The following WDR43 variants were observed in gnomAD, a reference collection of about 807,000 sequenced individuals.
The protein encoded by WDR43 is WD repeat-containing protein 43.
A neutral mutation model predicts 91.4 loss-of-function variants in WDR43; 13 were observed. The observed-to-expected ratio is 0.14, with a 90% CI of 0.09 to 0.23. The LOEUF (loss-of-function observed/expected upper bound fraction) is 0.23, where lower values mean the gene tolerates loss of function less well. Ranked by LOEUF, WDR43 falls within the 10% of genes least tolerant of loss-of-function variation. WDR43 has a pLI of 1.00. For missense variants in WDR43, 780 were observed against 809.4 expected, an observed-to-expected ratio of 0.96 and a Z score of 0.44; for synonymous variants, 331 against 287.9, an observed-to-expected ratio of 1.15 and a Z score of -1.51.
intron 6 of WDR43, among the ~76,000 whole-genome samples, chr2:28,921,999 T>A (rs891567516): frequency 2.0e-5 from 3 of 152,234 alleles, no homozygotes; most frequent in African/African-American, 4.8e-5. Context: ...CCTGAGCCAC[T>A]GTGTCTGGCC....
intron 5 of WDR43, 85 bp from the exon 6 acceptor site, chr2:28,917,808 A>T: frequency 8.6e-7 from 1 of 1,164,962 alleles, no homozygotes; most frequent in Non-Finnish European, 1.2e-6. Context: ...TCATGTGCTG[A>T]TCTCCATGCC....
At position 28,946,481 on chromosome 2, in the gene WDR43, A is replaced by G; in HGVS notation, c.1836A>G (p.Ile612Met). The G allele has an allele frequency of 6.2e-7, 1 of 1,612,232 alleles. No individual in the cohort carries two copies. The highest frequency in any genetic ancestry group is 8.5e-7 in the Non-Finnish European group (1 of 1,179,176). ...ESSEEESDDE[I>M]ADKDSEDNWD... ...CTGAAGAGGAGTCTGATGATGAAAT[A>G]GCAGATAAGGATTCTGAAGTGAGTG... is the stretch of plus-strand genomic sequence containing the variant. The change falls in exon 17 of 18, where the codon ATA (isoleucine) becomes ATG (methionine). Residue 612 changes from isoleucine to methionine, a missense_variant. Ile to Met is a conservative substitution (Grantham distance 10). Around this residue, in one of 4 missense-constraint regions of WDR43, gnomAD observed 426 missense variants for 467.8 expected, o/e 0.91. Coordinates refer to ENST00000407426, the MANE Select transcript of WDR43 (RefSeq NM_015131.3).
intron 4 of WDR43, 48 bp downstream of exon 4, chr2:28,912,758 CAG>C (rs1440067636): frequency 1.8e-5 from 28 of 1,595,882 alleles, no homozygotes; most frequent in East Asian, 4.5e-5. Context: ...AGAGTAAACA[CAG>C]AGAAAGGCAG....
chr2:28,901,132 A>G (rs533552400), intron 1 of WDR43, among the ~76,000 whole-genome samples: 53 of 152,344 alleles, frequency 3.5e-4, no homozygotes, highest in Middle Eastern at 3.4e-3. Flanking sequence ...TTTTACAGTG[A>G]AAGAATGGAT....
chr2:28,927,037 G>A (rs561115329), intron 9 of WDR43: 3 of 518,110 alleles, frequency 5.8e-6, no homozygotes, highest in East Asian at 5.5e-5. Context: ...GACGTGTTTC[G>A]TGGTTTAGTG....
chr2:28,907,101 A>T (rs998851656), intron 3 of WDR43, among the ~76,000 whole-genome samples: 2 of 152,220 alleles, frequency 1.3e-5, no homozygotes, highest in Non-Finnish European at 2.9e-5. Flanking sequence ...TGTCATAGAT[A>T]AAGATTATAG....
intron 1 of WDR43, among the ~76,000 whole-genome samples, chr2:28,899,610 G>GT (rs771181260): frequency 3.0e-4 from 45 of 152,158 alleles, no homozygotes; most frequent in Admixed American, 4.6e-4. Context: ...AGTCATTGAA[G>GT]TTTTTTTGAT....
intron 12 of WDR43, among the ~76,000 whole-genome samples, chr2:28,936,630 T>G (rs1183159395): frequency 6.6e-6 from 1 of 152,210 alleles, no homozygotes; most frequent in Admixed American, 6.5e-5. Context: ...ATCCTTTATC[T>G]ATTAGCAGTC....
chr2:28,904,187 A>G (rs1276020048), intron 2 of WDR43, among the ~76,000 whole-genome samples: 1 of 152,158 alleles, frequency 6.6e-6, no homozygotes, highest in Non-Finnish European at 1.5e-5. Context: ...AAAAGGAGTC[A>G]AGAGGGTCAG....
intron 8 of WDR43, 24 bp from the exon 9 acceptor site, chr2:28,926,444 C>A: frequency 6.7e-7 from 1 of 1,488,922 alleles, no homozygotes; most frequent in East Asian, 2.4e-5. Context: ...CTCATCTTCC[C>A]CTTTAAAAAA....
At chr2:28,912,220 G>A (rs1341557028) in intron 3 of WDR43, among the ~76,000 whole-genome samples, 1 of 152,154 alleles carries the variant, frequency 6.6e-6, no homozygotes, top group Non-Finnish European at 1.5e-5. Context: ...GATGGGCTTG[G>A]GGAGGTCTAG....
At chr2:28,899,819 ACCAT>A (rs2148177200) in intron 1 of WDR43, among the ~76,000 whole-genome samples, 1 of 152,346 alleles carries the variant, frequency 6.6e-6, no homozygotes, top group South Asian at 2.1e-4. Context: ...CTGAATAAAG[ACCAT>A]CCAACCTGAA....
intron 4 of WDR43, among the ~76,000 whole-genome samples, chr2:28,913,179 C>T (rs1670841466): frequency 6.6e-6 from 1 of 152,104 alleles, no homozygotes; most frequent in Non-Finnish European, 1.5e-5. Context: ...TGGTCTCGAT[C>T]TCCTGGCCTC....
chr2:28,934,844 A>G (rs1671309452), intron 11 of WDR43, among the ~76,000 whole-genome samples: 1 of 152,212 alleles, frequency 6.6e-6, no homozygotes, highest in African/African-American at 2.4e-5. Context: ...ACCATTAGAA[A>G]GACTCTCTGG....
chr2:28,930,241 G>T, intron 11 of WDR43: 1 of 368,998 alleles, frequency 2.7e-6, no homozygotes, highest in South Asian at 2.1e-5. Flanking sequence ...ATAAAGGGAG[G>T]CATTTATGAT....
At chr2:28,932,767 T>C (rs1414607815) in intron 11 of WDR43, among the ~76,000 whole-genome samples, 1 of 152,162 alleles carries the variant, frequency 6.6e-6, no homozygotes, top group Non-Finnish European at 1.5e-5. Flanking sequence ...AAGGTGGAAA[T>C]GTAACTCAAT....
chr2:28,942,266 G>C, intron 15 of WDR43, 46 bp from the exon 16 acceptor site: 2 of 1,587,452 alleles, frequency 1.3e-6, no homozygotes, highest in Non-Finnish European at 1.7e-6. Context: ...TGATACTTGG[G>C]ATATGTTTAC....
chr2:28,928,085 G>T, intron 10 of WDR43: 1 of 186,072 alleles, frequency 5.4e-6, no homozygotes, highest in African/African-American at 2.4e-5. Flanking sequence ...GTGCCAGTTG[G>T]TCTCTAAAAG....
intron 14 of WDR43, among the ~76,000 whole-genome samples, chr2:28,940,609 G>A (rs895330754): frequency 1.3e-5 from 2 of 152,216 alleles, no homozygotes; most frequent in Non-Finnish European, 2.9e-5. Context: ...GACAGGAAGA[G>A]GCTTGTTCTG....
Sources: gnomAD v4.1 joint callset for allele counts (sites outside exome capture counted in the v4.1 genomes callset) on GRCh38, gnomAD v4.1.1 for gene constraint, gnomAD v4.1.1 regional missense constraint, MANE v1.5 for transcripts, NCBI Gene and HGNC (gene_info 2026-07-23, HGNC 2026-07-21) for gene names.